The following RBM6 variants were observed in gnomAD, a reference collection of about 807,000 sequenced individuals.
The protein encoded by RBM6 is RNA binding motif protein 6, also known as RNA-binding protein 6.
In RBM6, 23 loss-of-function variants were observed where a neutral mutation model predicts 140.4. The ratio of observed to expected loss-of-function variants is 0.16; its 90% CI spans 0.12 to 0.23. The LOEUF (loss-of-function observed/expected upper bound fraction) is 0.23. Ranked by LOEUF, RBM6 falls within the 10% of genes least tolerant of loss-of-function variation. RBM6 has a pLI of 1.00. For missense variants in RBM6, 1,139 were observed against 1,386.7 expected (o/e 0.82, Z 2.84); for synonymous variants, 439 against 475.6 (o/e 0.92, Z 1.00).
intron 6 of RBM6, among the ~76,000 whole-genome samples, chr3:50,024,422 C>G (rs1356633196): frequency 6.6e-6 from 1 of 151,788 alleles, no homozygotes; most frequent in Non-Finnish European, 1.5e-5. Context: ...CCCTCCTGGT[C>G]ATTGTCCTTT....
At chr3:50,025,726 T>C (rs1284347192) in intron 6 of RBM6, among the ~76,000 whole-genome samples, 1 of 151,228 alleles carries the variant, frequency 6.6e-6, no homozygotes, top group African/African-American at 2.4e-5. Context: ...TGCCCCACTG[T>C]TCAAGTTTTC....
chr3:50,034,994 T>TG (rs2088430496), intron 6 of RBM6, among the ~76,000 whole-genome samples: 2 of 72,660 alleles, frequency 2.8e-5, no homozygotes, highest in Admixed American at 1.7e-4. Flanking sequence ...CCTCTCCTCT[T>TG]CCCTCTCCTC....
intron 19 of RBM6, among the ~76,000 whole-genome samples, chr3:50,072,666 T>A (rs1241934647): frequency 6.6e-6 from 1 of 152,170 alleles, no homozygotes; most frequent in African/African-American, 2.4e-5. Context: ...CAGTGAACCC[T>A]GATATTTTTA....
intron 6 of RBM6, among the ~76,000 whole-genome samples, chr3:50,044,986 A>G (rs966366842): frequency 3.9e-5 from 6 of 152,234 alleles, no homozygotes; most frequent in Non-Finnish European, 7.3e-5. Context: ...AGCAGTGGTC[A>G]CTGTCCTATG....
intron 5 of RBM6, among the ~76,000 whole-genome samples, chr3:49,996,533 A>G (rs141585966): frequency 3.3e-5 from 5 of 152,224 alleles, no homozygotes; most frequent in Non-Finnish European, 7.4e-5. Flanking sequence ...TTGCTATACA[A>G]TTTTTGTAGC....
In RBM6 at chr3:50,058,547, C is replaced by A. The variant is rs755637033; in HGVS notation, c.2115C>A (p.Asp705Glu). Residue 705 changes from aspartate (D) to glutamate (E), a missense_variant, in exon 10 of 21, where the codon GAC becomes GAA. Physicochemically the swap from Asp to Glu is conservative, Grantham distance 45. This residue lies in a region of RBM6 where 47 missense variants were observed against 117.6 expected (regional missense o/e 0.40). Coordinates refer to ENST00000266022, the MANE Select transcript of RBM6 (RefSeq NM_005777.3). ...GPMGHTYGFI[D>E]LDSHAEALRV... The stretch of plus-strand genomic sequence containing the variant: ...TGGGGCATACCTATGGCTTTATTGA[C>A]CTCGACTCCCATGCGGTGAGTTTCC... The A allele has an allele frequency of 6.2e-7, 1 of 1,609,128 alleles. No homozygotes were observed. The highest frequency in any genetic ancestry group is 1.7e-5 in the Admixed American group (1 of 60,016).
chr3:50,019,401 A>G (rs192029223), intron 6 of RBM6, among the ~76,000 whole-genome samples: 1 of 152,100 alleles, frequency 6.6e-6, no homozygotes, highest in Admixed American at 6.5e-5. Context: ...TCTAATCCAT[A>G]TACCTTTTAT....
At chr3:50,006,108 T>G (rs1022111996) in intron 6 of RBM6, among the ~76,000 whole-genome samples, 1 of 151,572 alleles carries the variant, frequency 6.6e-6, no homozygotes. Flanking sequence ...TCGCCCAGGC[T>G]GTAGCGCAGG....
At chr3:49,975,718 G>C (rs1325513953) in intron 5 of RBM6, among the ~76,000 whole-genome samples, 1 of 152,158 alleles carries the variant, frequency 6.6e-6, no homozygotes, top group Non-Finnish European at 1.5e-5. Flanking sequence ...GTTTATGCTT[G>C]AGCCTAATAG....
At chr3:49,945,033 G>A (rs2083428716) in intron 1 of RBM6, among the ~76,000 whole-genome samples, 1 of 151,430 alleles carries the variant, frequency 6.6e-6, no homozygotes. Flanking sequence ...CCGCCACCAC[G>A]CCCGGCTAAT....
chr3:49,987,053 T>C (rs2085596231), intron 5 of RBM6, among the ~76,000 whole-genome samples: 1 of 151,602 alleles, frequency 6.6e-6, no homozygotes, highest in Admixed American at 6.6e-5. Flanking sequence ...CAAAATGCTG[T>C]GATTACAGGT....
intron 1 of RBM6, among the ~76,000 whole-genome samples, chr3:49,950,451 T>C (rs953391951): frequency 2.6e-5 from 4 of 152,116 alleles, no homozygotes; most frequent in African/African-American, 9.7e-5. Context: ...GGAATGTTTT[T>C]ATTAATCAAG....
chr3:49,965,714 T>A (rs1372426989), intron 2 of RBM6, among the ~76,000 whole-genome samples: 3 of 151,780 alleles, frequency 2.0e-5, no homozygotes, highest in South Asian at 2.1e-4. Flanking sequence ...CCTCTTATGA[T>A]GAACCACATA....
chr3:49,986,717 C>T (rs556814198), intron 5 of RBM6, among the ~76,000 whole-genome samples: 1 of 151,618 alleles, frequency 6.6e-6, no homozygotes, highest in East Asian at 1.9e-4. Flanking sequence ...TCTCTCTCTT[C>T]TCTTCTCCTC....
chr3:49,943,845 A>G (rs1055809045), intron 1 of RBM6, among the ~76,000 whole-genome samples: 1 of 152,192 alleles, frequency 6.6e-6, no homozygotes, highest in African/African-American at 2.4e-5. Flanking sequence ...CCAGTAATAC[A>G]CAAGGGTTCC....
At chr3:49,946,589 G>A (rs561404385) in intron 1 of RBM6, among the ~76,000 whole-genome samples, 1 of 152,024 alleles carries the variant, frequency 6.6e-6, no homozygotes, top group African/African-American at 2.4e-5. Context: ...AGGCCGGAGT[G>A]AAGTGGCATG....
intron 6 of RBM6, among the ~76,000 whole-genome samples, chr3:50,000,785 T>C (rs1440446707): frequency 1.3e-5 from 2 of 152,192 alleles, no homozygotes; most frequent in African/African-American, 4.8e-5. Flanking sequence ...CTCTTCTTCT[T>C]CTGTAGCCTG....
At chr3:50,016,915 T>A (rs2087193044) in intron 6 of RBM6, among the ~76,000 whole-genome samples, 1 of 148,362 alleles carries the variant, frequency 6.7e-6, no homozygotes, top group African/African-American at 2.5e-5. Flanking sequence ...AATCTCTGCC[T>A]CCCGGGTTCA....
At chr3:49,948,318 A>T (rs1490681538) in intron 1 of RBM6, among the ~76,000 whole-genome samples, 1 of 152,144 alleles carries the variant, frequency 6.6e-6, no homozygotes, top group African/African-American at 2.4e-5. Context: ...GCCTGTGCTC[A>T]GGGGTTCGAG....
Sources: allele counts gnomAD v4.1 joint callset (sites outside exome capture counted in the v4.1 genomes callset), GRCh38; gene constraint gnomAD v4.1.1; regional missense constraint gnomAD v4.1.1; transcripts MANE v1.5; gene names NCBI Gene and HGNC (gene_info 2026-07-23, HGNC 2026-07-21).